Variants in RHOH observed in about 807,000 individuals in gnomAD.
The protein encoded by RHOH is ras homolog family member H.
Under a neutral mutation model 13.8 loss-of-function variants are expected in RHOH, and 6 were observed. That is an observed-to-expected ratio of 0.44 (90% CI 0.24 to 0.86). RHOH has a LOEUF of 0.86. Among genes scored for constraint, RHOH ranks in the 40% least tolerant of loss-of-function variants. RHOH has a pLI of 0.24. For synonymous variants in RHOH, 117 were observed against 103.0 expected, an observed-to-expected ratio of 1.14 and a Z score of -0.82; for missense variants, 147 against 244.5, an observed-to-expected ratio of 0.60 and a Z score of 2.66.
chr4:40,227,113 C>T (rs1388189539), intron 1 of RHOH, among the ~76,000 whole-genome samples: 2 of 152,112 alleles, frequency 1.3e-5, no homozygotes, highest in Non-Finnish European at 2.9e-5. Flanking sequence ...GAGCCGATCT[C>T]GCCACTGCAC....
intron 1 of RHOH, among the ~76,000 whole-genome samples, chr4:40,204,949 G>T (rs1022650571): frequency 1.3e-5 from 2 of 152,220 alleles, no homozygotes; most frequent in African/African-American, 4.8e-5. Context: ...ATCAGCTCGT[G>T]ATGCCTTGGG....
At chr4:40,198,276 A>G in intron 1 of RHOH, among the ~76,000 whole-genome samples, 1 of 152,198 alleles carries the variant, frequency 6.6e-6, no homozygotes, top group East Asian at 1.9e-4. Flanking sequence ...TCAGACTGGG[A>G]GGACCTTGTG....
intron 1 of RHOH, among the ~76,000 whole-genome samples, chr4:40,198,413 A>G (rs1723510072): frequency 6.6e-6 from 1 of 152,242 alleles, no homozygotes; most frequent in Admixed American, 6.5e-5. Flanking sequence ...TGTGGACACA[A>G]AAGCGAGGAC....
rs1273660244 is a variant in RHOH at position 40,242,821 on chromosome 4, C to T, written c.-223C>T. On this transcript the variant is annotated 5_prime_UTR_variant, in exon 2 of 3. Coordinates refer to ENST00000381799, the MANE Select transcript of RHOH (RefSeq NM_004310.5). ...GACAGAGAGCTGTTTGGAAACTTCT[C>T]CTTCACACACCAGGTTGCTACTGAG... The T allele has an allele frequency of 6.6e-6, 1 of 152,460 alleles. No homozygotes were observed. Among genetic ancestry groups the T allele is most frequent in the Non-Finnish European group, 1.5e-5 (1 of 68,226 alleles). The allele number at this position is 152,460 out of a possible 1,614,324, so 9.4% of individuals were successfully genotyped here. A position where few individuals can be genotyped will look rare whatever the true frequency, so the allele number is the denominator to read the frequency against.
At chr4:40,196,256 A>G (rs1446195901), upstream of RHOH, among the ~76,000 whole-genome samples, 1 of 152,242 alleles carries the variant, frequency 6.6e-6, no homozygotes, top group Admixed American at 6.5e-5. Context: ...GAGCAGTAGC[A>G]TCAACAGTTA....
chr4:40,237,410 G>A (rs7682135), intron 1 of RHOH, among the ~76,000 whole-genome samples: 75,104 of 151,486 alleles, frequency 0.5, 21,341 homozygotes, highest in Non-Finnish European at 0.64. Context: ...AGCCAATATC[G>A]TGCCACTGCA....
chr4:40,242,945 TTGTGTG>T (rs58807335), intron 2 of RHOH, 111 bp downstream of exon 2: 17,101 of 143,384 alleles, frequency 0.12, 1,065 homozygotes, highest in Non-Finnish European at 0.13. Context: ...CGGGAGGCAT[TTGTGTG>T]TGTGTGTGTG....
chr4:40,201,728 A>T (rs1724018112), intron 1 of RHOH, among the ~76,000 whole-genome samples: 1 of 152,146 alleles, frequency 6.6e-6, no homozygotes. Context: ...ACTGTGTAAA[A>T]TACAAATATG....
At chr4:40,240,154 G>A (rs1729072520) in intron 1 of RHOH, 1 of 152,180 alleles carries the variant, frequency 6.6e-6, no homozygotes, top group Non-Finnish European at 1.5e-5. Flanking sequence ...TTTGGCTTTA[G>A]CTCAGTCAGT....
Position 40,243,552 on chromosome 4 carries a change from C to T in RHOH, c.166C>T (p.Leu56Phe). The change falls in exon 3 of 3, where the codon CTC (leucine) becomes TTC (phenylalanine). Residue 56 changes from leucine (L) to phenylalanine (F), a missense_variant. By Grantham distance (22) the Leu-to-Phe change is conservative. This residue lies in a region of RHOH where 80 missense variants were observed against 152.0 expected (regional missense o/e 0.53). Coordinates refer to ENST00000381799, the MANE Select transcript of RHOH (RefSeq NM_004310.5). The surrounding 1 kb of genome is among the most constrained non-coding windows in gnomAD (Gnocchi z 6.2). ...FMDGIQISLGLWDTAGNDAFR... is the reference protein window; with the variant it reads ...FMDGIQISLGFWDTAGNDAFR... ...GGATGGCATCCAGATCAGCCTGGGC[C>T]TCTGGGACACAGCCGGCAATGACGC... 1 of 1,614,120 alleles carries T rather than the reference C, an allele frequency of 6.2e-7. No homozygotes were observed. Among genetic ancestry groups the T allele is most frequent in the Non-Finnish European group, 8.5e-7 (1 of 1,180,026 alleles).
chr4:40,204,090 C>G (rs1724354298), intron 1 of RHOH, among the ~76,000 whole-genome samples: 1 of 152,180 alleles, frequency 6.6e-6, no homozygotes, highest in South Asian at 2.1e-4. Context: ...ACAAAATAAA[C>G]ATATGAAAGT....
At chr4:40,200,390 TG>T (rs1723810889) in intron 1 of RHOH, 1 of 152,126 alleles carries the variant, frequency 6.6e-6, no homozygotes, top group Non-Finnish European at 1.5e-5. Context: ...CAAAACCACC[TG>T]GGGAGCTTTT....
In RHOH at chr4:40,244,467, C is replaced by T. The variant is rs1042226202; in HGVS notation, c.*505C>T. 46 of 217,182 alleles carry T rather than the reference C, an allele frequency of 2.1e-4. No individual in the cohort carries two copies. The highest frequency in any genetic ancestry group is 2.4e-4 in the Non-Finnish European group (24 of 98,664). 13.5% of individuals were successfully genotyped at this position (217,182 alleles called of 1,614,324 possible). ...TCAAGTAGAAAGTCTGTTGAAACCACTTGGCTGCTGGATTTAAATGGGTAA... is the reference window on the plus strand; with the variant it reads ...TCAAGTAGAAAGTCTGTTGAAACCATTTGGCTGCTGGATTTAAATGGGTAA... On this transcript the variant is annotated 3_prime_UTR_variant, in exon 3 of 3. Coordinates refer to ENST00000381799, the MANE Select transcript of RHOH (RefSeq NM_004310.5).
chr4:40,219,273 A>G (rs892445032), intron 1 of RHOH, among the ~76,000 whole-genome samples: 2 of 152,050 alleles, frequency 1.3e-5, no homozygotes, highest in African/African-American at 4.8e-5. Flanking sequence ...TTAGCTGGGC[A>G]TGGTGGCACA....
rs1323778817 is a variant in RHOH at position 40,246,679 on chromosome 4, G to T, written c.*2717G>T. On this transcript the variant is annotated 3_prime_UTR_variant, in exon 3 of 3. Coordinates refer to ENST00000381799, the MANE Select transcript of RHOH (RefSeq NM_004310.5). Reference sequence around the variant, plus strand: ...GGTAAAGTTGTGTTAAACTGAAATGGAGAGAAAGACAGTAATTGGGCTTCT... The same window carrying T: ...GGTAAAGTTGTGTTAAACTGAAATGTAGAGAAAGACAGTAATTGGGCTTCT... The T allele has an allele frequency of 6.6e-6, 1 of 152,276 alleles. No homozygotes were observed. The highest frequency in any genetic ancestry group is 1.5e-5 in the Non-Finnish European group (1 of 68,108). The allele number at this position is 152,276 out of a possible 1,614,324, so 9.4% of individuals were successfully genotyped here.
At chr4:40,199,676 C>T (rs944116587) in intron 1 of RHOH, among the ~76,000 whole-genome samples, 1 of 152,022 alleles carries the variant, frequency 6.6e-6, no homozygotes, top group Non-Finnish European at 1.5e-5. Context: ...TCTTCCTTGC[C>T]CAGTTTAAAT....
At chr4:40,197,731 A>G (rs1579216969) in intron 1 of RHOH, among the ~76,000 whole-genome samples, 1 of 152,346 alleles carries the variant, frequency 6.6e-6, no homozygotes, top group East Asian at 1.9e-4. Context: ...GTAGATTTCA[A>G]TCTGGAATTT....
intron 1 of RHOH, among the ~76,000 whole-genome samples, chr4:40,224,106 A>T (rs985024163): frequency 2.0e-5 from 3 of 152,140 alleles, no homozygotes; most frequent in South Asian, 2.1e-4. Context: ...AAACAAAAAA[A>T]ACTGTGTGAC....
At position 40,241,367 on chromosome 4, in the gene RHOH, T is replaced by C. The variant is rs550961722; in HGVS notation, c.-330-1347T>C. Among the ~76,000 whole-genome samples, 4 of 152,332 alleles carry C rather than the reference T, an allele frequency of 2.6e-5. No homozygotes were observed. The South Asian group carries it at 6.2e-4, about 24-fold the overall frequency. On this transcript the variant is annotated intron_variant, in intron 1 of 2. Coordinates refer to ENST00000381799, the MANE Select transcript of RHOH (RefSeq NM_004310.5). ...CCAGGTTTTGTGCTAAATCAGACTC[T>C]CCACATTCTGAATCCTTACAGTGAT... is the stretch of plus-strand genomic sequence containing the variant.
Sources: gnomAD v4.1 joint callset for allele counts (sites outside exome capture counted in the v4.1 genomes callset) on GRCh38, gnomAD v4.1.1 for gene constraint, gnomAD v4.1.1 regional missense constraint, Gnocchi (gnomAD v3.1) non-coding constraint, MANE v1.5 for transcripts, NCBI Gene and HGNC (gene_info 2026-07-23, HGNC 2026-07-21) for gene names.